Variants in PLEKHA5 observed in about 807,000 individuals in gnomAD.
PLEKHA5 encodes the protein pleckstrin homology domain containing A5.
In PLEKHA5, 55 loss-of-function variants were observed where a neutral mutation model predicts 181.9. The observed-to-expected ratio is 0.30, with a 90% CI of 0.24 to 0.38. The LOEUF is 0.38. PLEKHA5 is among the 10% of genes least tolerant of loss of function. The pLI is 1.00. For missense variants in PLEKHA5, 1,432 were observed against 1,549.5 expected (o/e 0.92, Z 1.27); for synonymous variants, 535 against 529.4 (o/e 1.01, Z -0.15).
At chr12:19,170,293 C>T (rs1039553009) in intron 3 of PLEKHA5, among the ~76,000 whole-genome samples, 7 of 152,000 alleles carry the variant, frequency 4.6e-5, no homozygotes, top group Non-Finnish European at 2.9e-5. Flanking sequence ...AAACCTTGTA[C>T]AATAACTATA....
intron 3 of PLEKHA5, among the ~76,000 whole-genome samples, chr12:19,165,743 C>T (rs1212670987): frequency 4.6e-5 from 7 of 152,134 alleles, no homozygotes; most frequent in African/African-American, 7.2e-5. Flanking sequence ...CTGTCATTTA[C>T]GCTCTAAAAC....
intron 20 of PLEKHA5, among the ~76,000 whole-genome samples, chr12:19,327,241 G>GTT (rs1163455769): frequency 3.5e-5 from 5 of 141,408 alleles, no homozygotes; most frequent in African/African-American, 1.4e-4. Context: ...GCCAGCATCT[G>GTT]TTTTTGTTTT....
rs114187689 is a variant in PLEKHA5, at chr12:19,361,936, C to G, written c.3608+230C>G. Among the ~76,000 whole-genome samples, 962 of 151,958 alleles carry G rather than the reference C, an allele frequency of 6.3e-3. 10 individuals are homozygous for G. The highest frequency in any genetic ancestry group is 0.022 in the African/African-American group (929 of 41,434). On this transcript the variant is annotated intron_variant, in intron 29 of 31. Coordinates refer to ENST00000429027, the MANE Select transcript of PLEKHA5 (RefSeq NM_001256470.2). ...CTATAATTCCAGCACTTTGAAAGGC[C>G]AAGGCAGGAGGATCACCTGAGCCCA...
At chr12:19,371,533 C>T (rs1003195764) in intron 31 of PLEKHA5, 18 of 162,472 alleles carry the variant, frequency 1.1e-4, no homozygotes, top group African/African-American at 4.3e-4. Context: ...CATAGTGTAG[C>T]TCCAACTTAT....
At chr12:19,322,725 C>T (rs2091177439) in intron 20 of PLEKHA5, 58 bp downstream of exon 20, 5 of 1,242,202 alleles carry the variant, frequency 4.0e-6, no homozygotes, top group Non-Finnish European at 5.7e-6. Flanking sequence ...GTTCTATTTT[C>T]TTCTCTTTTT....
Position 19,359,416 on chromosome 12 carries a change from G to A in PLEKHA5, c.3353G>A (p.Arg1118Gln), listed in dbSNP as rs773759876. The A allele has an allele frequency of 1.5e-5, 25 of 1,613,036 alleles. No homozygotes were observed. The Admixed American group carries it at 2.0e-4, about 13-fold the overall frequency. Residue 1118 changes from arginine (R) to glutamine (Q), a missense_variant, in exon 28 of 32, where the codon CGA (arginine) becomes CAA (glutamine). Arg to Gln is a conservative substitution (Grantham distance 43, BLOSUM62 1). Coordinates refer to ENST00000429027, the MANE Select transcript of PLEKHA5 (RefSeq NM_001256470.2). ...TGCTATATGTCTTTTGAGCAGACTC[G>A]AAGGAGGGATGATAAGGAACTGGAC... Reference protein sequence around the residue: ...RDNPFRTTQTRRRDDKELDTA... With the variant: ...RDNPFRTTQTQRRDDKELDTA...
intron 3 of PLEKHA5, among the ~76,000 whole-genome samples, chr12:19,209,241 T>C (rs778443087): frequency 2.4e-4 from 37 of 152,240 alleles, no homozygotes; most frequent in Middle Eastern, 3.4e-3. Flanking sequence ...GGTGAAATCA[T>C]TGATGATTCA....
intron 3 of PLEKHA5, 59 bp downstream of exon 3, chr12:19,132,509 A>G: frequency 6.0e-6 from 5 of 835,530 alleles, no homozygotes; most frequent in Non-Finnish European, 1.0e-5. Context: ...ATTACTCCTC[A>G]GCTGAATAGT....
intron 15 of PLEKHA5, among the ~76,000 whole-genome samples, chr12:19,309,788 A>G (rs1034296718): frequency 6.6e-6 from 1 of 152,062 alleles, no homozygotes; most frequent in African/African-American, 2.4e-5. Flanking sequence ...AAACCGATAC[A>G]TTTGTGTTAC....
At chr12:19,224,556 T>A (rs1192743689) in intron 3 of PLEKHA5, among the ~76,000 whole-genome samples, 1 of 152,088 alleles carries the variant, frequency 6.6e-6, no homozygotes, top group Non-Finnish European at 1.5e-5. Context: ...ATATGAAAAA[T>A]TTTTTTAAAA....
At chr12:19,309,805 A>G (rs1443642658) in intron 15 of PLEKHA5, among the ~76,000 whole-genome samples, 1 of 152,150 alleles carries the variant, frequency 6.6e-6, no homozygotes, top group Non-Finnish European at 1.5e-5. Context: ...TTACTGCAGT[A>G]GTATTCTTAG....
rs1414109322 is a variant in PLEKHA5 at position 19,130,747 on chromosome 12, C to T, written c.169+617C>T. The T allele has an allele frequency of 6.6e-6, 1 of 152,258 alleles. No individual in the cohort carries two copies. The highest frequency in any genetic ancestry group is 1.5e-5 in the Non-Finnish European group (1 of 68,114). 9.4% of individuals were successfully genotyped at this position (152,258 alleles called of 1,614,324 possible). A position where few individuals can be genotyped will look rare whatever the true frequency, so the allele number is the denominator to read the frequency against. On this transcript the variant is annotated intron_variant, in intron 2 of 31. Coordinates refer to ENST00000429027, the MANE Select transcript of PLEKHA5 (RefSeq NM_001256470.2). The surrounding 1 kb of genome is among the most constrained non-coding windows in gnomAD (Gnocchi z 4.5). ...CGATCCTCTCTGTGACAGGGAACGG[C>T]TCGGGAAACGCTTGGCGCGTTCCCT...
chr12:19,169,264 A>C (rs999309284), intron 3 of PLEKHA5, among the ~76,000 whole-genome samples: 1 of 122,364 alleles, frequency 8.2e-6, no homozygotes, highest in Non-Finnish European at 1.7e-5. Context: ...TTGTCAAGTT[A>C]AAAAAAAAAA....
chr12:19,151,415 G>A (rs1259578737), intron 3 of PLEKHA5: 1 of 152,146 alleles, frequency 6.6e-6, no homozygotes, highest in Non-Finnish European at 1.5e-5. Flanking sequence ...GCATTGAGAG[G>A]TTTGCTGAAT....
chr12:19,200,650 G>GT, intron 3 of PLEKHA5: 1 of 1,073,714 alleles, frequency 9.3e-7, no homozygotes, highest in Non-Finnish European at 1.1e-6. Context: ...AAATCTGTCT[G>GT]TATCTTCATT....
intron 8 of PLEKHA5, 130 bp downstream of exon 8, chr12:19,265,980 G>T: frequency 2.1e-6 from 1 of 467,500 alleles, no homozygotes; most frequent in South Asian, 4.0e-5. Flanking sequence ...TTAATTAATG[G>T]TCTTATGGTT....
Position 19,130,232 on chromosome 12 carries a change from G to A in PLEKHA5, c.169+102G>A. Reference sequence around the variant, plus strand: ...CTGCCCCGCGCCGCGGGCCCCGGGAGGCGGCGAGGCGGGGCGGAGGCCGGG... The same window carrying A: ...CTGCCCCGCGCCGCGGGCCCCGGGAAGCGGCGAGGCGGGGCGGAGGCCGGG... On this transcript the variant is annotated intron_variant, in intron 2 of 31. Coordinates refer to ENST00000429027, the MANE Select transcript of PLEKHA5 (RefSeq NM_001256470.2). The surrounding 1 kb of genome is among the most constrained non-coding windows in gnomAD (Gnocchi z 4.5). 3 of 591,638 alleles carry A rather than the reference G, an allele frequency of 5.1e-6. No individual in the cohort carries two copies. The highest frequency in any genetic ancestry group is 6.9e-5 in the South Asian group (1 of 14,540). The allele number at this position is 591,638 out of a possible 1,614,324, so 36.6% of individuals were successfully genotyped here.
chr12:19,267,036 G>A (rs2070703707), intron 8 of PLEKHA5, among the ~76,000 whole-genome samples: 1 of 151,994 alleles, frequency 6.6e-6, no homozygotes, highest in African/African-American at 2.4e-5. Flanking sequence ...AATCTTTGTG[G>A]TATTACTGGT....
Position 19,347,448 on chromosome 12 carries a change from T to C in PLEKHA5, c.2898+266T>C, listed in dbSNP as rs182378441. On this transcript the variant is annotated intron_variant, in intron 24 of 31. Coordinates refer to ENST00000429027, the MANE Select transcript of PLEKHA5 (RefSeq NM_001256470.2). Reference sequence around the variant, plus strand: ...TTTCATAAAGTGGTAACTTTTCCCATGATGAAGCAGCCGTATTTTAGATAT... The same window carrying C: ...TTTCATAAAGTGGTAACTTTTCCCACGATGAAGCAGCCGTATTTTAGATAT... Among the ~76,000 whole-genome samples the C allele has an allele frequency of 2.0e-4, 31 of 152,100 alleles. No homozygotes were observed. In the East Asian group the frequency reaches 5.4e-3, roughly 27 times the overall value.
Sources: gnomAD v4.1 joint callset for allele counts (sites outside exome capture counted in the v4.1 genomes callset) on GRCh38, gnomAD v4.1.1 for gene constraint, Gnocchi (gnomAD v3.1) non-coding constraint, MANE v1.5 for transcripts, NCBI Gene and HGNC (gene_info 2026-07-23, HGNC 2026-07-21) for gene names.